Variants in CNTNAP2 observed in about 807,000 individuals in gnomAD.
CNTNAP2 encodes the protein contactin associated protein 2.
A neutral mutation model predicts 155.2 loss-of-function variants in CNTNAP2; 98 were observed. The ratio of observed to expected loss-of-function variants is 0.63; its 90% CI spans 0.54 to 0.75. The LOEUF (loss-of-function observed/expected upper bound fraction) is 0.75, where lower values mean the gene tolerates loss of function less well. Among genes scored for constraint, CNTNAP2 ranks in the 30% least tolerant of loss-of-function variants. The pLI is 0.00. For missense variants in CNTNAP2, 1,727 were observed against 1,688.1 expected, an observed-to-expected ratio of 1.02 and a Z score of -0.40; for synonymous variants, 651 against 631.2, an observed-to-expected ratio of 1.03 and a Z score of -0.47.
intron 20 of CNTNAP2, among the ~76,000 whole-genome samples, 166 bp from the exon 21 acceptor site, chr7:148,266,867 G>C (rs183746114): frequency 9.1e-4 from 138 of 152,248 alleles, no homozygotes; most frequent in Non-Finnish European, 1.5e-3. Context: ...AGCAAAGGAA[G>C]ACATGGGTTT....
chr7:148,415,722 A>G lies in CNTNAP2; in HGVS notation c.*106A>G. On this transcript the variant is annotated 3_prime_UTR_variant, in exon 24 of 24. Transcript: ENST00000361727. ...CTCTTGAGCACATCCTTAAAATATC[A>G]GCACAAGTTGGGGGAGGCAGGCAAT... 1 of 1,297,198 alleles carries G rather than the reference A, an allele frequency of 7.7e-7. No individual in the cohort carries two copies. Among genetic ancestry groups the G allele is most frequent in the South Asian group, 1.2e-5 (1 of 80,124 alleles). 80.4% of individuals were successfully genotyped at this position (1,297,198 alleles called of 1,614,324 possible).
chr7:146,279,429 A>AACACACACACACACACACAC (rs60178387), intron 1 of CNTNAP2, among the ~76,000 whole-genome samples: 1 of 144,612 alleles, frequency 6.9e-6, no homozygotes, highest in African/African-American at 2.5e-5. Flanking sequence ...CATTTCCTTA[A>AACACACACACACACACACAC]ACACACACAC....
At chr7:148,388,324 G>GTGATGTTCCCCTTCCT (rs1359859289) in intron 22 of CNTNAP2, among the ~76,000 whole-genome samples, 3 of 126,540 alleles carry the variant, frequency 2.4e-5, no homozygotes, top group African/African-American at 9.4e-5. Context: ...TCCCCAGAGT[G>GTGATGTTCCCCTTCCT]TGATGTTCCC....
At chr7:147,697,809 G>C (rs1347707394) in intron 13 of CNTNAP2, among the ~76,000 whole-genome samples, 1 of 152,112 alleles carries the variant, frequency 6.6e-6, no homozygotes, top group Non-Finnish European at 1.5e-5. Flanking sequence ...AGAACGGAAG[G>C]CTGTGATGTA....
intron 1 of CNTNAP2, among the ~76,000 whole-genome samples, chr7:146,432,473 A>G (rs1164288945): frequency 1.3e-5 from 2 of 152,048 alleles, no homozygotes; most frequent in Non-Finnish European, 2.9e-5. Context: ...TCATTATGAA[A>G]CTCTGTAAAT....
chr7:148,357,089 A>G (rs1211520018), intron 21 of CNTNAP2, among the ~76,000 whole-genome samples: 2 of 152,054 alleles, frequency 1.3e-5, no homozygotes, highest in Non-Finnish European at 2.9e-5. Flanking sequence ...TCCCCACCCA[A>G]ATCTCATCTT....
At chr7:147,948,837 C>T (rs1272967681) in intron 14 of CNTNAP2, among the ~76,000 whole-genome samples, 1 of 152,014 alleles carries the variant, frequency 6.6e-6, no homozygotes, top group Non-Finnish European at 1.5e-5. Flanking sequence ...TCGACTACCA[C>T]ATATTTTGTA....
intron 18 of CNTNAP2, among the ~76,000 whole-genome samples, chr7:148,213,274 G>A (rs1257004349): frequency 6.6e-6 from 1 of 152,182 alleles, no homozygotes; most frequent in Non-Finnish European, 1.5e-5. Flanking sequence ...AGGCTCCCAG[G>A]AAAGTGGTCA....
intron 11 of CNTNAP2, among the ~76,000 whole-genome samples, chr7:147,556,649 C>T (rs1037340187): frequency 6.6e-6 from 1 of 152,220 alleles, no homozygotes; most frequent in South Asian, 2.1e-4. Flanking sequence ...TGTGTGTGGC[C>T]TCTATAATCT....
chr7:147,865,394 T>G (rs530826682), intron 13 of CNTNAP2, among the ~76,000 whole-genome samples: 5 of 152,184 alleles, frequency 3.3e-5, no homozygotes, highest in Admixed American at 6.5e-5. Flanking sequence ...TTCTCTTTTT[T>G]TGTTGTCTCT....
intron 1 of CNTNAP2, among the ~76,000 whole-genome samples, chr7:146,663,299 G>T (rs2533086): frequency 5.9e-5 from 6 of 100,978 alleles, no homozygotes; most frequent in Non-Finnish European, 1.1e-4. Context: ...AAAAAAAAAA[G>T]AAAGAAAGAA....
chr7:146,146,822 T>C (rs1797964655), intron 1 of CNTNAP2, among the ~76,000 whole-genome samples: 1 of 152,164 alleles, frequency 6.6e-6, no homozygotes, highest in African/African-American at 2.4e-5. Flanking sequence ...CTAATCCAGA[T>C]CTTGTTATAT....
At chr7:147,520,649 A>G (rs1454212337) in intron 11 of CNTNAP2, among the ~76,000 whole-genome samples, 1 of 152,150 alleles carries the variant, frequency 6.6e-6, no homozygotes, top group Non-Finnish European at 1.5e-5. Context: ...TTCCTAAGAG[A>G]AGATGACATA....
At chr7:147,140,380 C>T (rs758960820) in intron 8 of CNTNAP2, among the ~76,000 whole-genome samples, 21 of 152,112 alleles carry the variant, frequency 1.4e-4, no homozygotes, top group South Asian at 4.2e-4. Flanking sequence ...CCTCCAATTT[C>T]CCAGGATTCT....
intron 1 of CNTNAP2, among the ~76,000 whole-genome samples, chr7:146,725,615 C>T (rs1801417895): frequency 6.6e-6 from 1 of 152,132 alleles, no homozygotes; most frequent in African/African-American, 2.4e-5. Flanking sequence ...TCTAATTACT[C>T]CTGCAGATAA....
chr7:146,600,771 T>C (rs1048543863), intron 1 of CNTNAP2, among the ~76,000 whole-genome samples: 4 of 152,190 alleles, frequency 2.6e-5, no homozygotes, highest in African/African-American at 7.2e-5. Flanking sequence ...TATTCATCTA[T>C]GCATTTCCAA....
chr7:147,511,281 C>T (rs1308069199), intron 11 of CNTNAP2, among the ~76,000 whole-genome samples: 2 of 152,030 alleles, frequency 1.3e-5, no homozygotes, highest in Admixed American at 6.6e-5. Flanking sequence ...CTTTGAGCCC[C>T]TCTAGCACTT....
At chr7:146,589,184 T>G (rs192235884) in intron 1 of CNTNAP2, among the ~76,000 whole-genome samples, 1 of 149,926 alleles carries the variant, frequency 6.7e-6, no homozygotes, top group East Asian at 1.9e-4. Context: ...CTATTGAAAG[T>G]GGAGTGTAGG....
At chr7:146,486,513 G>T (rs1219512222) in intron 1 of CNTNAP2, among the ~76,000 whole-genome samples, 1 of 152,224 alleles carries the variant, frequency 6.6e-6, no homozygotes, top group East Asian at 1.9e-4. Flanking sequence ...GAGTCTGGAA[G>T]AAGGGATTAG....
Sources: gnomAD v4.1 joint callset for allele counts (sites outside exome capture counted in the v4.1 genomes callset) on GRCh38, gnomAD v4.1.1 for gene constraint, MANE v1.5 for transcripts, NCBI Gene and HGNC (gene_info 2026-07-23, HGNC 2026-07-21) for gene names.